The following LNPEP variants were observed in gnomAD, a reference collection of about 807,000 sequenced individuals.
LNPEP encodes the protein leucyl-cystinyl aminopeptidase.
LNPEP carries 64 observed loss-of-function variants against 120.6 expected under a neutral mutation model. The observed-to-expected ratio is 0.53, with a 90% CI of 0.43 to 0.65. The LOEUF (loss-of-function observed/expected upper bound fraction) is 0.65. LNPEP is among the 30% of genes least tolerant of loss of function. The pLI, the probability that LNPEP is intolerant of heterozygous loss-of-function variation, is 0.00. For missense variants in LNPEP, 1,057 were observed against 1,200.0 expected (o/e 0.88, Z 1.76); for synonymous variants, 435 against 425.4 (o/e 1.02, Z -0.28).
intron 11 of LNPEP, chr5:97,010,150 TGA>T (rs952089907): frequency 2.5e-6 from 1 of 407,756 alleles, no homozygotes; most frequent in Non-Finnish European, 3.3e-6. Flanking sequence ...GTTTACATAT[TGA>T]GGAATTATAT....
Position 96,954,767 on chromosome 5 carries a change from TA to T in LNPEP, c.19+18594del, listed in dbSNP as rs1561430242. Among the ~76,000 whole-genome samples the T allele has an allele frequency of 4.8e-3, 232 of 48,142 alleles. 62 individuals are homozygous for T. The highest frequency in any genetic ancestry group is 8.7e-3 in the South Asian group (16 of 1,834). The allele number at this position is 48,142 out of a possible 152,430, so 31.6% of individuals were successfully genotyped here. ...ATATACACATATATATATATATATA[TA>T]TATATTTTTTTTTTTTTTTTTTTTT... On this transcript the variant is annotated intron_variant, in intron 1 of 17. Transcript: ENST00000231368.
In LNPEP at chr5:96,985,960, A is replaced by C. The variant is rs561080710; in HGVS notation, c.1000-579A>C. 2.0e-5 allele frequency among the ~76,000 whole-genome samples: 3 copies of C among 152,292 alleles called. No homozygotes were observed. In the East Asian group the frequency reaches 5.8e-4, roughly 29 times the overall value. On this transcript the variant is annotated intron_variant, in intron 3 of 17. Transcript: ENST00000231368. Reference sequence around the variant, plus strand: ...ACACTCAGCCATACTCTTCACCTTCATCTTTCTCTAAAGAGGCAGATGCCT... The same window carrying C: ...ACACTCAGCCATACTCTTCACCTTCCTCTTTCTCTAAAGAGGCAGATGCCT...
At chr5:97,014,726 G>A (rs1791020685) in intron 12 of LNPEP, among the ~76,000 whole-genome samples, 1 of 152,030 alleles carries the variant, frequency 6.6e-6, no homozygotes, top group South Asian at 2.1e-4. Flanking sequence ...ATGAGCTATT[G>A]TTTATCTTTC....
chr5:96,972,983 AG>A (rs1789906016), intron 1 of LNPEP, among the ~76,000 whole-genome samples: 1 of 152,126 alleles, frequency 6.6e-6, no homozygotes, highest in Non-Finnish European at 1.5e-5. Context: ...GTTGTGAAAA[AG>A]CACAATATAC....
rs944765655 is a variant in LNPEP, at chr5:96,954,671, T to G, written c.19+18497T>G. 3.7e-5 allele frequency among the ~76,000 whole-genome samples: 4 copies of G among 108,522 alleles called. 2 individuals are homozygous for G. The highest frequency in any genetic ancestry group is 1.4e-4 in the African/African-American group (4 of 28,090). 71.2% of individuals were successfully genotyped at this position (108,522 alleles called of 152,430 possible). Reference sequence around the variant, plus strand: ...ATACATATATACACATATATACATATATACACATATATACATATATACACA... The same window carrying G: ...ATACATATATACACATATATACATAGATACACATATATACATATATACACA... On this transcript the variant is annotated intron_variant, in intron 1 of 17. Transcript: ENST00000231368.
intron 1 of LNPEP, among the ~76,000 whole-genome samples, chr5:96,945,399 C>T (rs1421497209): frequency 1.4e-5 from 2 of 138,072 alleles, no homozygotes; most frequent in Non-Finnish European, 3.1e-5. Context: ...GAGTGAGACC[C>T]TATCTCAAAA....
At chr5:97,002,520 G>A (rs564980699) in intron 8 of LNPEP, among the ~76,000 whole-genome samples, 3 of 152,120 alleles carry the variant, frequency 2.0e-5, no homozygotes, top group African/African-American at 7.2e-5. Flanking sequence ...AGAGTAATAG[G>A]TAATAATTTA....
rs1280942274 is a variant in LNPEP, at chr5:97,035,152, AT to A, written c.*6621del. On this transcript the variant is annotated 3_prime_UTR_variant, in exon 18 of 18. Coordinates refer to ENST00000231368, the MANE Select transcript of LNPEP (RefSeq NM_005575.3). ...AATAGTTTCATATCTTGGGTTTTTT[AT>A]TGTTTAATTTTTTTTTATGGGGAGG... The A allele has an allele frequency of 6.6e-6, 1 of 151,414 alleles. No homozygotes were observed. The highest frequency in any genetic ancestry group is 1.5e-5 in the Non-Finnish European group (1 of 67,810). The allele number at this position is 151,414 out of a possible 1,614,324, so 9.4% of individuals were successfully genotyped here.
intron 1 of LNPEP, among the ~76,000 whole-genome samples, chr5:96,975,107 A>G (rs1789958045): frequency 6.6e-6 from 1 of 152,138 alleles, no homozygotes; most frequent in Admixed American, 6.6e-5. Context: ...TCCCACATTT[A>G]TAGGTGAGGA....
At chr5:96,996,314 G>A in intron 6 of LNPEP, 76 bp from the exon 7 acceptor site, 1 of 788,764 alleles carries the variant, frequency 1.3e-6, no homozygotes, top group South Asian at 1.4e-5. Context: ...TAATTAATAT[G>A]ACACTTCAGC....
At chr5:96,975,298 T>G (rs1053820391) in intron 1 of LNPEP, among the ~76,000 whole-genome samples, 2 of 152,132 alleles carry the variant, frequency 1.3e-5, no homozygotes, top group Non-Finnish European at 2.9e-5. Flanking sequence ...CAAAAAAAAT[T>G]AGAAAATGTG....
intron 15 of LNPEP, among the ~76,000 whole-genome samples, chr5:97,025,494 T>C (rs1442791012): frequency 1.3e-5 from 2 of 152,238 alleles, no homozygotes; most frequent in Non-Finnish European, 2.9e-5. Flanking sequence ...ACTATGCTAG[T>C]AATACACTAA....
At chr5:96,974,908 T>C (rs1393179562) in intron 1 of LNPEP, among the ~76,000 whole-genome samples, 2 of 152,152 alleles carry the variant, frequency 1.3e-5, no homozygotes, top group Non-Finnish European at 2.9e-5. Context: ...CTTCTTCCTC[T>C]GGCCACCCAG....
intron 1 of LNPEP, among the ~76,000 whole-genome samples, chr5:96,957,237 A>T (rs1346531439): frequency 1.3e-5 from 2 of 152,110 alleles, no homozygotes; most frequent in African/African-American, 4.8e-5. Context: ...CCTCTGAAGA[A>T]TGTTGATATT....
In LNPEP at chr5:96,966,323, C is replaced by A. The variant is rs181508501; in HGVS notation, c.20-12815C>A. On this transcript the variant is annotated intron_variant, in intron 1 of 17. Coordinates refer to ENST00000231368, the MANE Select transcript of LNPEP (RefSeq NM_005575.3). The stretch of plus-strand genomic sequence containing the variant: ...ACCAGCCTGGGCAACATAGTGAGAC[C>A]CTATCTCTACAAAAATTTTTTTAAA... Among the ~76,000 whole-genome samples, 30 of 151,768 alleles carry A rather than the reference C, an allele frequency of 2.0e-4. 1 individual carries two copies. Among genetic ancestry groups the A allele is most frequent in the Non-Finnish European group, 3.5e-4 (24 of 67,896 alleles).
rs1447705044 is a variant in LNPEP, at chr5:97,035,703, T to G, written c.*7170T>G. 1 of 152,154 alleles carries G rather than the reference T, an allele frequency of 6.6e-6. No individual in the cohort carries two copies. Among genetic ancestry groups the G allele is most frequent in the Admixed American group, 6.6e-5 (1 of 15,264 alleles). The allele number at this position is 152,154 out of a possible 1,614,324, so 9.4% of individuals were successfully genotyped here. A position where few individuals can be genotyped will look rare whatever the true frequency, so the allele number is the denominator to read the frequency against. ...GCCATTATTTTCCTTTAACACTTAG[T>G]CCCTTGCAAGGGGTCTGACTATACC... On this transcript the variant is annotated 3_prime_UTR_variant, in exon 18 of 18. Transcript: ENST00000231368.
chr5:96,967,198 A>T (rs962574453), intron 1 of LNPEP, among the ~76,000 whole-genome samples: 1 of 152,122 alleles, frequency 6.6e-6, no homozygotes, highest in African/African-American at 2.4e-5. Context: ...CTCCCAAAAC[A>T]TCCCTAAGAA....
chr5:96,971,239 C>G (rs1200395296), intron 1 of LNPEP, among the ~76,000 whole-genome samples: 1 of 151,630 alleles, frequency 6.6e-6, no homozygotes, highest in East Asian at 1.9e-4. Context: ...AGTGTATGTA[C>G]TGTTGTTCAT....
chr5:97,013,131 A>G (rs1262801613), intron 11 of LNPEP, among the ~76,000 whole-genome samples: 1 of 151,942 alleles, frequency 6.6e-6, no homozygotes, highest in Non-Finnish European at 1.5e-5. Flanking sequence ...GATAACATGT[A>G]TACTTTCTCT....
Sources: allele counts gnomAD v4.1 joint callset (sites outside exome capture counted in the v4.1 genomes callset), GRCh38; gene constraint gnomAD v4.1.1; transcripts MANE v1.5; gene names NCBI Gene and HGNC (gene_info 2026-07-23, HGNC 2026-07-21).